UGT1A7: variants seen among roughly 807,000 people sequenced by gnomAD.
UGT1A7 encodes the protein UDP glucuronosyltransferase family 1 member A7.
Under a neutral mutation model 45.6 loss-of-function variants are expected in UGT1A7, and 33 were observed. The ratio of observed to expected loss-of-function variants is 0.72; its 90% CI spans 0.55 to 0.97. The LOEUF is 0.97. Among genes scored for constraint, UGT1A7 ranks in the 50% least tolerant of loss-of-function variants. The probability of loss-of-function intolerance (pLI) is 0.00; values close to 1 mark genes in which losing one functional copy is unlikely to be tolerated. For synonymous variants in UGT1A7, 274 were observed against 250.6 expected, an observed-to-expected ratio of 1.09 and a Z score of -0.88; for missense variants, 684 against 666.2, an observed-to-expected ratio of 1.03 and a Z score of -0.29.
At chr2:233,689,532 G>T (rs1270409073) in intron 1 of UGT1A7, among the ~76,000 whole-genome samples, 4 of 152,224 alleles carry the variant, frequency 2.6e-5, no homozygotes, top group Admixed American at 2.0e-4. Context: ...CATGAGAAGT[G>T]AGGGCTTGCA....
chr2:233,718,474 A>G (rs1284319219), intron 1 of UGT1A7, among the ~76,000 whole-genome samples: 1 of 152,230 alleles, frequency 6.6e-6, no homozygotes, highest in Admixed American at 6.5e-5. Context: ...CTGCAGCCTG[A>G]TAAATATGGT....
At position 233,767,112 on chromosome 2, in the gene UGT1A7, C is replaced by G; in HGVS notation, c.934C>G (p.Pro312Ala). Residue 312 changes from proline (P) to alanine (A), a missense_variant, in exon 2 of 5, where the codon CCA (proline) becomes GCA (alanine). Coordinates refer to ENST00000373426, the MANE Select transcript of UGT1A7 (RefSeq NM_019077.3). The part of the protein sequence containing the change: ...FSLGSMVSEI[P>A]EKKAMAIADA... ...TTTGGGATCAATGGTCTCAGAAATT[C>G]CAGAGAAGAAAGCTATGGCAATTGC... 6.2e-7 allele frequency: 1 copy of G among 1,614,080 alleles called. No homozygotes were observed. The highest frequency in any genetic ancestry group is 8.5e-7 in the Non-Finnish European group (1 of 1,180,008).
At chr2:233,732,525 T>G (rs775649964) in intron 1 of UGT1A7, among the ~76,000 whole-genome samples, 3 of 152,226 alleles carry the variant, frequency 2.0e-5, no homozygotes, top group Non-Finnish European at 4.4e-5. Context: ...GCTTTCTACA[T>G]ATGGCCAGTT....
Position 233,766,262 on chromosome 2 carries a change from C to T in UGT1A7, c.856-772C>T, listed in dbSNP as rs34353734. On this transcript the variant is annotated intron_variant, in intron 1 of 4. Coordinates refer to ENST00000373426, the MANE Select transcript of UGT1A7 (RefSeq NM_019077.3). ...CCCCTGGAGTCAGACCGCTCAGTGG[C>T]CCGGGCTCGGTGGCCCGGGCTCGGT... is the stretch of plus-strand genomic sequence containing the variant. Among the ~76,000 whole-genome samples, 215 of 68,078 alleles carry T rather than the reference C, an allele frequency of 3.2e-3. 2 individuals carry two copies. Among genetic ancestry groups the T allele is most frequent in the African/African-American group, 0.015 (204 of 13,924 alleles). 44.7% of individuals were successfully genotyped at this position (68,078 alleles called of 152,430 possible).
At chr2:233,683,432 A>T (rs1400062675) in intron 1 of UGT1A7, among the ~76,000 whole-genome samples, 1 of 152,148 alleles carries the variant, frequency 6.6e-6, no homozygotes, top group Non-Finnish European at 1.5e-5. Flanking sequence ...TATGAGCAAT[A>T]ATAAGAATTC....
In UGT1A7 at chr2:233,729,271, C is replaced by T. The variant is rs45595237; in HGVS notation, c.856-37763C>T. ...CTGGCTCAGCATGCGGGAGGTCTTGCGGGAGCTCCATGCCAGAGGCCACCA... is the reference window on the plus strand; with the variant it reads ...CTGGCTCAGCATGCGGGAGGTCTTGTGGGAGCTCCATGCCAGAGGCCACCA... On this transcript the variant is annotated intron_variant, in intron 1 of 4. Transcript: ENST00000373426. The T allele has an allele frequency of 1.2e-3, 1,887 of 1,614,166 alleles. 14 individuals are homozygous for T. The African/African-American group carries it at 0.018, about 15-fold the overall frequency.
intron 1 of UGT1A7, among the ~76,000 whole-genome samples, chr2:233,702,495 G>A (rs755245410): frequency 2.6e-5 from 4 of 152,000 alleles, no homozygotes; most frequent in Non-Finnish European, 5.9e-5. Flanking sequence ...CTCTAGTACC[G>A]TGTTGAATAG....
Position 233,772,812 on chromosome 2 carries a change from C to T in UGT1A7, c.*253C>T, listed in dbSNP as rs61757316. ...ATGACATGTGCCATTTTTCAGAGGA[C>T]GTGCAGACAGGCTGGCATTCTAGAT... On this transcript the variant is annotated 3_prime_UTR_variant, in exon 5 of 5. Coordinates refer to ENST00000373426, the MANE Select transcript of UGT1A7 (RefSeq NM_019077.3). The T allele has an allele frequency of 4.4e-5, 46 of 1,035,780 alleles. No individual in the cohort carries two copies. The highest frequency in any genetic ancestry group is 6.9e-4 in the Middle Eastern group (2 of 2,918). 64.2% of individuals were successfully genotyped at this position (1,035,780 alleles called of 1,614,324 possible).
chr2:233,728,265 C>G (rs1230027648), intron 1 of UGT1A7, among the ~76,000 whole-genome samples: 1 of 152,182 alleles, frequency 6.6e-6, no homozygotes, highest in Admixed American at 6.5e-5. Context: ...GAAATAAAGA[C>G]TGGAGCCTTC....
At chr2:233,768,469 G>T (rs1403858659) in intron 4 of UGT1A7, 30 bp downstream of exon 4, 1 of 1,603,172 alleles carries the variant, frequency 6.2e-7, no homozygotes, top group East Asian at 2.2e-5. Flanking sequence ...AGAATACTTT[G>T]GTCATGGCAT....
At chr2:233,686,854 G>A (rs2074808754) in intron 1 of UGT1A7, among the ~76,000 whole-genome samples, 1 of 151,966 alleles carries the variant, frequency 6.6e-6, no homozygotes, top group African/African-American at 2.4e-5. Flanking sequence ...CCCCACCTAT[G>A]TCTTTCCTTT....
intron 1 of UGT1A7, chr2:233,748,124 G>A (rs1575688214): frequency 6.2e-7 from 1 of 1,610,748 alleles, no homozygotes; most frequent in South Asian, 1.1e-5. Flanking sequence ...AGGCAAAACA[G>A]TTTTTAAAAA....
intron 1 of UGT1A7, chr2:233,719,836 T>G: frequency 6.5e-7 from 1 of 1,539,550 alleles, no homozygotes; most frequent in Non-Finnish European, 8.7e-7. Context: ...AGGGGCCTAG[T>G]GTATTTCAAG....
chr2:233,714,997 C>A (rs1229091752), intron 1 of UGT1A7, among the ~76,000 whole-genome samples: 1 of 152,164 alleles, frequency 6.6e-6, no homozygotes, highest in Non-Finnish European at 1.5e-5. Context: ...CTGCCTCAGC[C>A]TCCCAAGTAG....
chr2:233,757,203 C>G (rs1377755692), intron 1 of UGT1A7, among the ~76,000 whole-genome samples: 1 of 149,926 alleles, frequency 6.7e-6, no homozygotes, highest in Non-Finnish European at 1.5e-5. Context: ...TTTTCTGTGC[C>G]CAGGAAGCTG....
intron 1 of UGT1A7, among the ~76,000 whole-genome samples, chr2:233,700,363 T>G (rs1575468060): frequency 6.6e-6 from 1 of 152,184 alleles, no homozygotes; most frequent in East Asian, 1.9e-4. Context: ...TTATGGCTGA[T>G]TATCTGGGGC....
rs2074970437 is a variant in UGT1A7 at position 233,689,999 on chromosome 2, C to T, written c.855+7207C>T. On this transcript the variant is annotated intron_variant, in intron 1 of 4. Transcript: ENST00000373426. The stretch of plus-strand genomic sequence containing the variant: ...AGGCCCCTAAAAGGGATTCTCACTT[C>T]ATCTCACCATTTTGGACCTTCCTCA... The T allele has an allele frequency of 6.7e-6, 3 of 449,912 alleles. No homozygotes were observed. The East Asian group carries it at 2.1e-4, about 31-fold the overall frequency. The allele number at this position is 449,912 out of a possible 1,614,324, so 27.9% of individuals were successfully genotyped here.
Position 233,772,431 on chromosome 2 carries a change from A to T in UGT1A7, c.1465A>T (p.Ile489Phe). ...GTACCAGTACCATTCCTTGGACGTG[A>T]TTGGTTTCCTCTTGGCCGTCGTGCT... ...TWYQYHSLDV[I>F]GFLLAVVLTV... The change falls in exon 5 of 5, where the codon ATT becomes TTT. Residue 489 changes from isoleucine to phenylalanine, a missense_variant. Ile to Phe is a conservative substitution (Grantham distance 21, BLOSUM62 0). Coordinates refer to ENST00000373426, the MANE Select transcript of UGT1A7 (RefSeq NM_019077.3). 1 of 1,614,128 alleles carries T rather than the reference A, an allele frequency of 6.2e-7. No individual in the cohort carries two copies. Among genetic ancestry groups the T allele is most frequent in the Non-Finnish European group, 8.5e-7 (1 of 1,180,030 alleles).
At chr2:233,729,975 C>T in intron 1 of UGT1A7, 1 of 1,614,046 alleles carries the variant, frequency 6.2e-7, no homozygotes, top group Non-Finnish European at 8.5e-7. Context: ...ACTGTGCCAA[C>T]AGGAAGCCAC....
Sources: gnomAD v4.1 joint callset for allele counts (sites outside exome capture counted in the v4.1 genomes callset) on GRCh38, gnomAD v4.1.1 for gene constraint, MANE v1.5 for transcripts, NCBI Gene and HGNC (gene_info 2026-07-23, HGNC 2026-07-21) for gene names.